The following RGPD4 variants were observed in gnomAD, a reference collection of about 807,000 sequenced individuals.
The protein encoded by RGPD4 is ranBP2-like and GRIP domain-containing protein 4.
Under a neutral mutation model 141.1 loss-of-function variants are expected in RGPD4, and 84 were observed. The observed-to-expected ratio is 0.60, with a 90% CI of 0.50 to 0.71. RGPD4 has a LOEUF of 0.71. Ranked by LOEUF, RGPD4 falls within the 30% of genes least tolerant of loss-of-function variation. The pLI is 0.00. For synonymous variants in RGPD4, 298 were observed against 566.8 expected, an observed-to-expected ratio of 0.53 and a Z score of 6.74; for missense variants, 918 against 1,622.4, an observed-to-expected ratio of 0.57 and a Z score of 7.46.
chr2:107,850,747 C>T lies in RGPD4; in HGVS notation c.978+2211C>T, dbSNP rs1234402922. On this transcript the variant is annotated intron_variant, in intron 7 of 22. Coordinates refer to ENST00000408999, the MANE Select transcript of RGPD4 (RefSeq NM_182588.3). ...CTGCAAGCTCCGCCTCCTGGGTTCA[C>T]GCCATTCTCCTGCCTCAGCCTCCCG... Among the ~76,000 whole-genome samples, 34 of 20,092 alleles carry T rather than the reference C, an allele frequency of 1.7e-3. 5 individuals carry two copies. The highest frequency in any genetic ancestry group is 5.9e-3 in the African/African-American group (31 of 5,280). The allele number at this position is 20,092 out of a possible 152,430, so 13.2% of individuals were successfully genotyped here.
chr2:107,835,520 T>C (rs966783442), intron 1 of RGPD4, among the ~76,000 whole-genome samples: 2 of 150,744 alleles, frequency 1.3e-5, no homozygotes, highest in Non-Finnish European at 2.9e-5. Context: ...GAGAGAACAG[T>C]ACATGTACTA....
In RGPD4 at chr2:107,877,299, T is replaced by TGG. The variant is rs1473191094; in HGVS notation, c.4925-2667_4925-2666dup. The stretch of plus-strand genomic sequence containing the variant: ...CTGAGGTGGGAGGATGGCTTGAGCC[T>TGG]GGGAGGCAGAGGTTGCTGTGAGCCA... On this transcript the variant is annotated intron_variant, in intron 20 of 22. Transcript: ENST00000408999. 2.3e-3 allele frequency among the ~76,000 whole-genome samples: 354 copies of TGG among 151,134 alleles called. 2 individuals are homozygous for TGG. Among genetic ancestry groups the TGG allele is most frequent in the African/African-American group, 7.5e-3 (305 of 40,924 alleles).
chr2:107,847,920 A>G (rs1410813562), intron 6 of RGPD4, among the ~76,000 whole-genome samples: 1 of 130,336 alleles, frequency 7.7e-6, no homozygotes, highest in African/African-American at 3.0e-5. Flanking sequence ...AATACCTGTC[A>G]ATTATTTACT....
At chr2:107,828,651 A>G (rs866864332) in intron 1 of RGPD4, among the ~76,000 whole-genome samples, 325 of 8,288 alleles carry the variant, frequency 0.039, 1 homozygote, top group Non-Finnish European at 0.057. Context: ...TGGCTCAGGC[A>G]TCATGGCTCC....
chr2:107,875,634 A>G (rs4012356), intron 20 of RGPD4, among the ~76,000 whole-genome samples: 1 of 144,592 alleles, frequency 6.9e-6, no homozygotes. Flanking sequence ...GCTTTGCATT[A>G]ATGGTGGCTG....
chr2:107,854,769 A>G (rs1404221645), intron 8 of RGPD4, 126 bp downstream of exon 8: 13 of 1,297,838 alleles, frequency 1.0e-5, no homozygotes, highest in Middle Eastern at 2.7e-4. Flanking sequence ...TCGCCGTATC[A>G]GTTAAGAGCA....
chr2:107,890,693 T>C, intron 22 of RGPD4, 28 bp from the exon 23 acceptor site: 3 of 1,593,280 alleles, frequency 1.9e-6, no homozygotes, highest in South Asian at 2.3e-5. Flanking sequence ...CTCTCTTTTT[T>C]CTTTTTTTTT....
chr2:107,832,639 A>G (rs952236122), intron 1 of RGPD4, among the ~76,000 whole-genome samples: 1 of 132,428 alleles, frequency 7.6e-6, no homozygotes, highest in Non-Finnish European at 1.6e-5. Context: ...ATGGGATTTC[A>G]CCATACTGGT....
chr2:107,885,216 T>G (rs1327970327), intron 22 of RGPD4, among the ~76,000 whole-genome samples: 1 of 152,084 alleles, frequency 6.6e-6, no homozygotes, highest in Non-Finnish European at 1.5e-5. Context: ...AGAAGAAATC[T>G]ACTTCTAGTC....
chr2:107,884,431 A>G (rs927409620), intron 22 of RGPD4, among the ~76,000 whole-genome samples: 7 of 151,052 alleles, frequency 4.6e-5, no homozygotes, highest in African/African-American at 1.5e-4. Flanking sequence ...TAACAATTAT[A>G]TATATAAATA....
At chr2:107,853,446 T>TTTC (rs1553446021) in intron 7 of RGPD4, among the ~76,000 whole-genome samples, 1 of 144,518 alleles carries the variant, frequency 6.9e-6, no homozygotes, top group African/African-American at 2.6e-5. Flanking sequence ...TGCTTTTTTT[T>TTTC]TTCCATAGGT....
intron 6 of RGPD4, among the ~76,000 whole-genome samples, chr2:107,844,247 A>T (rs1681835932): frequency 6.6e-6 from 1 of 151,886 alleles, no homozygotes; most frequent in South Asian, 2.1e-4. Context: ...CCATTTTGAA[A>T]ATAAATTCCA....
Position 107,854,564 on chromosome 2 carries a change from A to G in RGPD4, c.987A>G (p.Arg329=), listed in dbSNP as rs1353873282. ...GATTCTAAAATTATTAGGTTCCAAG[A>G]CCAAAGATTAAATTAATAAAAGGTG... ...LCYLIAFQVP[R]PKIKLIKGEA... is the part of the protein sequence containing the mutation. Residue 329 remains arginine, a synonymous_variant, in exon 8 of 23, where the codon AGA becomes AGG. Transcript: ENST00000408999. The G allele has an allele frequency of 6.7e-7, 1 of 1,489,832 alleles. No homozygotes were observed. The highest frequency in any genetic ancestry group is 9.0e-7 in the Non-Finnish European group (1 of 1,106,184). 92.3% of individuals were successfully genotyped at this position (1,489,832 alleles called of 1,614,324 possible).
intron 8 of RGPD4, 118 bp downstream of exon 8, chr2:107,854,761 G>C (rs568236784): frequency 2.1e-6 from 3 of 1,450,544 alleles, no homozygotes; most frequent in Non-Finnish European, 2.8e-6. Flanking sequence ...ATTTCTTTTC[G>C]CCGTATCAGT....
rs563699931 is a variant in RGPD4 at position 107,835,514 on chromosome 2, G to A, written c.73-1088G>A. Among the ~76,000 whole-genome samples, 126 of 150,260 alleles carry A rather than the reference G, an allele frequency of 8.4e-4. 4 individuals carry two copies. Among genetic ancestry groups the A allele is most frequent in the African/African-American group, 2.8e-3 (116 of 40,892 alleles). On this transcript the variant is annotated intron_variant, in intron 1 of 22. Transcript: ENST00000408999. ...AAAATACTGATCTGATCTGTAGAGA[G>A]AACAGTACATGTACTATTGAGGCAC...
intron 6 of RGPD4, among the ~76,000 whole-genome samples, chr2:107,846,811 A>G (rs1465296906): frequency 6.6e-6 from 1 of 151,556 alleles, no homozygotes; most frequent in African/African-American, 2.4e-5. Context: ...TCCAACAGCA[A>G]AAAAGTAGTC....
intron 7 of RGPD4, among the ~76,000 whole-genome samples, chr2:107,853,512 C>A (rs1232303686): frequency 7.1e-6 from 1 of 140,972 alleles, no homozygotes; most frequent in Non-Finnish European, 1.5e-5. Flanking sequence ...CAGTGCTATC[C>A]CCTATTATCC....
intron 22 of RGPD4, among the ~76,000 whole-genome samples, chr2:107,886,008 G>C (rs1242994435): frequency 1.3e-5 from 2 of 150,856 alleles, no homozygotes; most frequent in Admixed American, 6.6e-5. Context: ...AGCCGAGATG[G>C]TGCCATTGCA....
intron 1 of RGPD4, among the ~76,000 whole-genome samples, chr2:107,831,668 C>T (rs1371151947): frequency 2.2e-5 from 3 of 137,186 alleles, no homozygotes; most frequent in African/African-American, 5.6e-5. Context: ...CTCTGCCTCC[C>T]GGGTTCACAC....
Sources: gnomAD v4.1 joint callset for allele counts (sites outside exome capture counted in the v4.1 genomes callset) on GRCh38, gnomAD v4.1.1 for gene constraint, MANE v1.5 for transcripts, NCBI Gene and HGNC (gene_info 2026-07-23, HGNC 2026-07-21) for gene names.